PHYHIPL: variants seen among roughly 807,000 people sequenced by gnomAD.
PHYHIPL encodes phytanoyl-CoA hydroxylase-interacting protein-like.
PHYHIPL carries 9 observed loss-of-function variants against 33.4 expected under a neutral mutation model. The ratio of observed to expected loss-of-function variants is 0.27; its 90% CI spans 0.16 to 0.47. PHYHIPL has a LOEUF of 0.47. Among genes scored for constraint, PHYHIPL ranks in the 20% least tolerant of loss-of-function variants. The pLI is 0.99. For synonymous variants in PHYHIPL, 153 were observed against 154.1 expected (o/e 0.99, Z 0.05); for missense variants, 365 against 460.7 (o/e 0.79, Z 1.90).
intron 4 of PHYHIPL, among the ~76,000 whole-genome samples, chr10:59,239,282 G>A (rs1840320729): frequency 6.6e-6 from 1 of 152,044 alleles, no homozygotes; most frequent in South Asian, 2.1e-4. Context: ...CATGGTGGAA[G>A]GCAAGGAGAA....
At chr10:59,179,160 T>A (rs1308091460) in intron 1 of PHYHIPL, among the ~76,000 whole-genome samples, 1 of 152,180 alleles carries the variant, frequency 6.6e-6, no homozygotes, top group Non-Finnish European at 1.5e-5. Flanking sequence ...GGGGGAATAA[T>A]GTCGTTTGTT....
At chr10:59,193,726 G>C (rs1838838346) in intron 1 of PHYHIPL, among the ~76,000 whole-genome samples, 1 of 151,892 alleles carries the variant, frequency 6.6e-6, no homozygotes, top group Admixed American at 6.6e-5. Flanking sequence ...TTCAAGCTGT[G>C]CTAAGGCTGA....
At chr10:59,199,524 G>C (rs1392563877) in intron 1 of PHYHIPL, among the ~76,000 whole-genome samples, 1 of 152,146 alleles carries the variant, frequency 6.6e-6, no homozygotes, top group Non-Finnish European at 1.5e-5. Context: ...GCTTAGGATT[G>C]TCTTGGCAAT....
At chr10:59,184,803 C>G (rs187960349) in intron 1 of PHYHIPL, among the ~76,000 whole-genome samples, 1 of 151,028 alleles carries the variant, frequency 6.6e-6, no homozygotes, top group Non-Finnish European at 1.5e-5. Flanking sequence ...CCCCCCCTCC[C>G]CCAACCCCAC....
intron 4 of PHYHIPL, among the ~76,000 whole-genome samples, chr10:59,241,927 A>G (rs1009364743): frequency 2.0e-5 from 3 of 152,186 alleles, no homozygotes; most frequent in East Asian, 1.9e-4. Context: ...CTTTACCCAC[A>G]GGATTGGGAA....
At chr10:59,185,699 A>G (rs1321637904) in intron 1 of PHYHIPL, among the ~76,000 whole-genome samples, 1 of 152,064 alleles carries the variant, frequency 6.6e-6, no homozygotes, top group African/African-American at 2.4e-5. Flanking sequence ...TTTGATTTGC[A>G]TTTCTCTGAT....
At position 59,236,501 on chromosome 10, in the gene PHYHIPL, G is replaced by A; in HGVS notation, c.322G>A (p.Val108Met). 1 of 1,587,450 alleles carries A rather than the reference G, an allele frequency of 6.3e-7. No homozygotes were observed. The stretch of plus-strand genomic sequence containing the variant: ...TTCCTAGGATGTTCCCACAAAATTG[G>A]TGGCAAAAGCTGTTCCCTTGCCTAT... ...FKHKDVPTKL[V>M]AKAVPLPMTV... Residue 108 changes from valine (V) to methionine (M), a missense_variant, in exon 3 of 5, where the codon GTG becomes ATG. By Grantham distance (21) the Val-to-Met change is conservative. Transcript: ENST00000373880.
intron 1 of PHYHIPL, among the ~76,000 whole-genome samples, chr10:59,190,203 C>T (rs1223331132): frequency 1.3e-5 from 2 of 151,916 alleles, no homozygotes; most frequent in African/African-American, 4.8e-5. Context: ...GCTTCAGCAT[C>T]CACTATATTT....
At chr10:59,232,948 C>A in intron 1 of PHYHIPL, among the ~76,000 whole-genome samples, 1 of 151,848 alleles carries the variant, frequency 6.6e-6, no homozygotes, top group East Asian at 1.9e-4. Context: ...CTGTTCTTAA[C>A]TTTTGAAAAG....
chr10:59,238,833 A>G lies in PHYHIPL; in HGVS notation c.596+128A>G, dbSNP rs1460928121. The G allele has an allele frequency of 1.6e-5, 9 of 565,972 alleles. No homozygotes were observed. The East Asian group carries it at 2.6e-4, about 16-fold the overall frequency. 35.1% of individuals were successfully genotyped at this position (565,972 alleles called of 1,614,324 possible). ...TTTCTTTTCAAAATAACGATATGGA[A>G]TTTTATTTTCCAGAAAAATTAAGTA... On this transcript the variant is annotated intron_variant, in intron 4 of 4. Coordinates refer to ENST00000373880, the MANE Select transcript of PHYHIPL (RefSeq NM_032439.4).
At chr10:59,211,411 T>C (rs1415012726) in intron 1 of PHYHIPL, among the ~76,000 whole-genome samples, 1 of 152,018 alleles carries the variant, frequency 6.6e-6, no homozygotes, top group African/African-American at 2.4e-5. Context: ...AGTTTCACTC[T>C]TGTTGCCCAG....
chr10:59,177,322 A>T, intron 1 of PHYHIPL: 1 of 717,396 alleles, frequency 1.4e-6, no homozygotes, highest in Non-Finnish European at 2.2e-6. Flanking sequence ...TGAAGGGGAA[A>T]TGCCCTCGGG....
At chr10:59,214,739 A>G (rs142913588) in intron 1 of PHYHIPL, among the ~76,000 whole-genome samples, 1 of 152,092 alleles carries the variant, frequency 6.6e-6, no homozygotes, top group African/African-American at 2.4e-5. Flanking sequence ...AAATAAAACA[A>G]TGAAATGCCT....
At chr10:59,174,708 C>A (rs73294044), upstream of PHYHIPL, among the ~76,000 whole-genome samples, 3,258 of 152,182 alleles carry the variant, frequency 0.021, 136 homozygotes, top group African/African-American at 0.075. Flanking sequence ...TATTTAAAGC[C>A]TTTTTAATAA....
chr10:59,190,550 G>A (rs139223193), intron 1 of PHYHIPL, among the ~76,000 whole-genome samples: 159 of 151,922 alleles, frequency 1.0e-3, no homozygotes, highest in African/African-American at 3.5e-3. Context: ...TTTCAGAACA[G>A]TTGATTTATT....
upstream of PHYHIPL, among the ~76,000 whole-genome samples, chr10:59,175,172 C>G (rs1033679291): frequency 6.6e-5 from 10 of 152,050 alleles, no homozygotes; most frequent in African/African-American, 2.4e-4. Flanking sequence ...AATAATTTAC[C>G]CTCTCCTTGG....
In PHYHIPL at chr10:59,214,484, C is replaced by A. The variant is rs1054016082; in HGVS notation, c.107-19820C>A. 5.3e-5 allele frequency among the ~76,000 whole-genome samples: 8 copies of A among 151,992 alleles called. No individual in the cohort carries two copies. In the East Asian group the frequency reaches 1.5e-3, roughly 29 times the overall value. On this transcript the variant is annotated intron_variant, in intron 1 of 4. Coordinates refer to ENST00000373880, the MANE Select transcript of PHYHIPL (RefSeq NM_032439.4). The stretch of plus-strand genomic sequence containing the variant: ...GATCTGAAAAAAGAAACTTTAAAAA[C>A]TGTTTCCAGTAATAATTATTGGCGG...
rs143729338 is a variant in PHYHIPL at position 59,192,394 on chromosome 10, T to C, written c.106+15435T>C. Among the ~76,000 whole-genome samples the C allele has an allele frequency of 4.7e-3, 721 of 152,250 alleles. 4 individuals carry two copies. Among genetic ancestry groups the C allele is most frequent in the African/African-American group, 0.017 (696 of 41,554 alleles). The stretch of plus-strand genomic sequence containing the variant: ...ACCCATCCCCTGAGTTTCTGATTCC[T>C]TAGATCTGGATGGAGCCCAAGAATT... On this transcript the variant is annotated intron_variant, in intron 1 of 4. Transcript: ENST00000373880.
chr10:59,211,666 A>T lies in PHYHIPL; in HGVS notation c.107-22638A>T, dbSNP rs1285997785. Among the ~76,000 whole-genome samples the T allele has an allele frequency of 6.6e-3, 632 of 95,358 alleles. 18 individuals carry two copies. Among genetic ancestry groups the T allele is most frequent in the South Asian group, 0.03 (83 of 2,768 alleles). 62.6% of individuals were successfully genotyped at this position (95,358 alleles called of 152,430 possible). A position where few individuals can be genotyped will look rare whatever the true frequency, so the allele number is the denominator to read the frequency against. On this transcript the variant is annotated intron_variant, in intron 1 of 4. Transcript: ENST00000373880. ...CCTGGGATTATAGGCGGACTCTCTA[A>T]AAAAAAAAAAAAAAAAAAAAAAAAG...
Sources: allele counts gnomAD v4.1 joint callset (sites outside exome capture counted in the v4.1 genomes callset), GRCh38; gene constraint gnomAD v4.1.1; transcripts MANE v1.5; gene names NCBI Gene and HGNC (gene_info 2026-07-23, HGNC 2026-07-21).